KIF1B: variants seen among roughly 807,000 people sequenced by gnomAD.
KIF1B encodes the protein kinesin-like protein KIF1B.
Under a neutral mutation model 241.9 loss-of-function variants are expected in KIF1B, and 76 were observed. The observed-to-expected ratio is 0.31, with a 90% CI of 0.26 to 0.38. The LOEUF (loss-of-function observed/expected upper bound fraction) is 0.38. Among genes scored for constraint, KIF1B ranks in the 10% least tolerant of loss-of-function variants. The pLI is 1.00. For synonymous variants in KIF1B, 750 were observed against 796.7 expected, an observed-to-expected ratio of 0.94 and a Z score of 0.99; for missense variants, 1,622 against 2,271.4, an observed-to-expected ratio of 0.71 and a Z score of 5.81.
In KIF1B at chr1:10,258,562, G is replaced by T. The variant is rs765957120; in HGVS notation, c.253G>T (p.Ala85Ser). 3.1e-6 allele frequency: 5 copies of T among 1,613,944 alleles called. No homozygotes were observed. In the East Asian group the frequency reaches 8.9e-5, roughly 29 times the overall value. The change falls in exon 4 of 49, where the codon GCC becomes TCC. Residue 85 changes from alanine to serine, a missense_variant. Ala to Ser is a moderately conservative substitution (Grantham distance 99). Around this residue, in one of 7 missense-constraint regions of KIF1B, gnomAD observed 156 missense variants for 244.8 expected, o/e 0.64. Coordinates refer to ENST00000676179, the MANE Select transcript of KIF1B (RefSeq NM_001365951.3). ...NDIGKEMLLH[A>S]FEGYNVCIFA... ...CATTGGCAAGGAAATGCTCTTACACGCCTTTGAGGGATATAATGTCTGTAT... is the reference window on the plus strand; with the variant it reads ...CATTGGCAAGGAAATGCTCTTACACTCCTTTGAGGGATATAATGTCTGTAT...
At chr1:10,246,751 A>T (rs928042477) in intron 2 of KIF1B, among the ~76,000 whole-genome samples, 9 of 152,086 alleles carry the variant, frequency 5.9e-5, no homozygotes, top group Non-Finnish European at 8.8e-5. Flanking sequence ...TGTCTCAAAG[A>T]AAAAAAAGAA....
chr1:10,359,903 C>T (rs1392491865), intron 38 of KIF1B, among the ~76,000 whole-genome samples: 1 of 151,794 alleles, frequency 6.6e-6, no homozygotes, highest in African/African-American at 2.4e-5. Flanking sequence ...CGTAGTGGTG[C>T]GTGCCTATAA....
chr1:10,374,437 G>T lies in KIF1B; in HGVS notation c.5068G>T (p.Val1690Phe). 6.2e-7 allele frequency: 1 copy of T among 1,614,186 alleles called. No individual in the cohort carries two copies. The change falls in exon 46 of 49, where the codon GTT (valine) becomes TTT (phenylalanine). Residue 1690 changes from valine to phenylalanine, a missense_variant. Val to Phe is a conservative substitution (Grantham distance 50). Coordinates refer to ENST00000676179, the MANE Select transcript of KIF1B (RefSeq NM_001365951.3). This position sits in a 1 kb window ranked among gnomAD's most constrained non-coding sequence, Gnocchi z 4.3. ...AGGAAAAAACGAATTTCTCAATCTT[G>T]TTCCAGATATTGAAGAAATTAGACC... ...RAGKNEFLNL[V>F]PDIEEIRPSS...
intron 3 of KIF1B, among the ~76,000 whole-genome samples, chr1:10,257,865 T>C (rs1409012100): frequency 6.6e-6 from 1 of 151,846 alleles, no homozygotes; most frequent in Non-Finnish European, 1.5e-5. Context: ...TTAGTAGAGA[T>C]GGGGTTTCGC....
At chr1:10,275,614 C>T in intron 11 of KIF1B, 111 bp downstream of exon 11, 3 of 772,202 alleles carry the variant, frequency 3.9e-6, no homozygotes, top group Non-Finnish European at 4.7e-6. Context: ...ATTCATGTTA[C>T]TACTTGAGTG....
chr1:10,336,840 C>A, intron 29 of KIF1B, 98 bp downstream of exon 29: 1 of 1,211,550 alleles, frequency 8.3e-7, no homozygotes, highest in Non-Finnish European at 1.2e-6. Flanking sequence ...ATACAGGGTG[C>A]TGGTTGCCAC....
At position 10,374,861 on chromosome 1, in the gene KIF1B, G is replaced by A. The variant is rs989476496; in HGVS notation, c.5104G>A (p.Val1702Ile). The A allele has an allele frequency of 1.2e-6, 2 of 1,614,038 alleles. No individual in the cohort carries two copies. Among genetic ancestry groups the A allele is most frequent in the Non-Finnish European group, 1.7e-6 (2 of 1,179,950 alleles). Reference sequence around the variant, plus strand: ...TCATATTGTCGTTTTTAGCTCAGTGGTCTCTAAGAAAGGATACCTTCATTT... The same window carrying A: ...TCATATTGTCGTTTTTAGCTCAGTGATCTCTAAGAAAGGATACCTTCATTT... The part of the protein sequence containing the change: ...DIEEIRPSSV[V>I]SKKGYLHFKE... Residue 1702 changes from valine (V) to isoleucine (I), a missense_variant, in exon 47 of 49, where the codon GTC becomes ATC. Physicochemically the swap from Val to Ile is conservative, Grantham distance 29. This residue lies in a region of KIF1B where 357 missense variants were observed against 409.0 expected (regional missense o/e 0.87). Coordinates refer to ENST00000676179, the MANE Select transcript of KIF1B (RefSeq NM_001365951.3). This position sits in a 1 kb window ranked among gnomAD's most constrained non-coding sequence, Gnocchi z 4.3.
chr1:10,217,862 C>A, intron 1 of KIF1B, among the ~76,000 whole-genome samples: 1 of 152,002 alleles, frequency 6.6e-6, no homozygotes, highest in East Asian at 1.9e-4. Context: ...TTAATGTCCT[C>A]CCTCTCCCTA....
chr1:10,262,350 A>G (rs76815999), intron 5 of KIF1B, among the ~76,000 whole-genome samples: 2,843 of 152,098 alleles, frequency 0.019, 40 homozygotes, highest in Non-Finnish European at 0.028. Flanking sequence ...GAGTTTCCCT[A>G]TGTTGCCCAG....
chr1:10,306,965 T>A, intron 22 of KIF1B: 6 of 1,041,214 alleles, frequency 5.8e-6, no homozygotes, highest in Non-Finnish European at 6.9e-6. Flanking sequence ...AAGAGTTGTA[T>A]AATATATTCA....
chr1:10,308,669 CTT>C, intron 22 of KIF1B: 2 of 986,354 alleles, frequency 2.0e-6, no homozygotes, highest in Non-Finnish European at 2.4e-6. Flanking sequence ...CTGGTTTTGA[CTT>C]TTATTTATTG....
rs547778896 is a variant in KIF1B, at chr1:10,335,906, A to T, written c.3044-751A>T. ...ATCCAGCCTATGTTCTGAGGAAAGA[A>T]TGTGGTCATTTGCTGTAATCTTTCT... On this transcript the variant is annotated intron_variant, in intron 28 of 48. Coordinates refer to ENST00000676179, the MANE Select transcript of KIF1B (RefSeq NM_001365951.3). Among the ~76,000 whole-genome samples the T allele has an allele frequency of 3.3e-5, 5 of 152,258 alleles. No homozygotes were observed. The East Asian group carries it at 9.6e-4, about 29-fold the overall frequency.
At chr1:10,353,456 G>A (rs556260313) in intron 38 of KIF1B, among the ~76,000 whole-genome samples, 7 of 152,154 alleles carry the variant, frequency 4.6e-5, no homozygotes, top group Non-Finnish European at 1.0e-4. Flanking sequence ...CCTCACCCAG[G>A]AAGGGAGTTC....
intron 2 of KIF1B, among the ~76,000 whole-genome samples, chr1:10,242,843 T>C (rs1029863189): frequency 6.6e-6 from 1 of 152,090 alleles, no homozygotes; most frequent in East Asian, 1.9e-4. Context: ...GGACCACTCA[T>C]ATATGTGGAC....
At chr1:10,351,482 C>A in intron 37 of KIF1B, among the ~76,000 whole-genome samples, 1 of 152,164 alleles carries the variant, frequency 6.6e-6, no homozygotes, top group East Asian at 1.9e-4. Context: ...AATTGTTATT[C>A]TCGCTTGACA....
intron 15 of KIF1B, among the ~76,000 whole-genome samples, chr1:10,287,088 C>T (rs1291149945): frequency 3.3e-5 from 5 of 152,302 alleles, no homozygotes; most frequent in Non-Finnish European, 7.4e-5. Flanking sequence ...ACAGAATATC[C>T]TTCACTTTTT....
At chr1:10,367,218 C>G (rs1329431143) in intron 43 of KIF1B, among the ~76,000 whole-genome samples, 1 of 151,624 alleles carries the variant, frequency 6.6e-6, no homozygotes, top group African/African-American at 2.4e-5. Context: ...TCCTCAGCCT[C>G]CCAAGTAGCT....
intron 22 of KIF1B, chr1:10,304,564 T>C (rs771537894): frequency 1.9e-6 from 3 of 1,614,148 alleles, no homozygotes; most frequent in Non-Finnish European, 2.5e-6. Context: ...ACCCAGCCAC[T>C]GTAGCCAGTT....
chr1:10,300,373 A>G (rs1650481159), intron 22 of KIF1B, among the ~76,000 whole-genome samples: 1 of 151,794 alleles, frequency 6.6e-6, no homozygotes, highest in Non-Finnish European at 1.5e-5. Context: ...ACAGGGTGAT[A>G]CATTTGAACT....
Sources: allele counts gnomAD v4.1 joint callset (sites outside exome capture counted in the v4.1 genomes callset), GRCh38; gene constraint gnomAD v4.1.1; regional missense constraint gnomAD v4.1.1; non-coding constraint Gnocchi (gnomAD v3.1); transcripts MANE v1.5; gene names NCBI Gene and HGNC (gene_info 2026-07-23, HGNC 2026-07-21).